Variants in ASXL3 observed in about 807,000 individuals in gnomAD.
ASXL3 encodes ASXL transcriptional regulator 3, also known as putative Polycomb group protein ASXL3.
A neutral mutation model predicts 170.6 loss-of-function variants in ASXL3; 34 were observed. The observed-to-expected ratio is 0.20, with a 90% CI of 0.15 to 0.27. The LOEUF (loss-of-function observed/expected upper bound fraction) is 0.27. Ranked by LOEUF, ASXL3 falls within the 10% of genes least tolerant of loss-of-function variation. The pLI is 1.00. For synonymous variants in ASXL3, 1,002 were observed against 989.1 expected (o/e 1.01, Z -0.24); for missense variants, 2,592 against 2,695.3 (o/e 0.96, Z 0.85).
intron 8 of ASXL3, among the ~76,000 whole-genome samples, chr18:33,686,322 CTG>C (rs1488568708): frequency 6.6e-6 from 1 of 152,202 alleles, no homozygotes; most frequent in African/African-American, 2.4e-5. Context: ...GTGTAATACT[CTG>C]TGCTCACTAC....
chr18:33,673,529 C>G (rs915130238), intron 7 of ASXL3, among the ~76,000 whole-genome samples: 3 of 152,008 alleles, frequency 2.0e-5, no homozygotes, highest in Non-Finnish European at 4.4e-5. Flanking sequence ...CCATGCCCAG[C>G]TAATTTTTGT....
At chr18:33,713,056 T>C (rs572062729) in intron 8 of ASXL3, among the ~76,000 whole-genome samples, 2 of 152,078 alleles carry the variant, frequency 1.3e-5, no homozygotes, top group Non-Finnish European at 2.9e-5. Context: ...CGTGCTCACG[T>C]TCCTTTGTTG....
intron 8 of ASXL3, among the ~76,000 whole-genome samples, chr18:33,693,116 G>T (rs866327807): frequency 6.6e-6 from 1 of 152,094 alleles, no homozygotes; most frequent in South Asian, 2.1e-4. Flanking sequence ...TTGTGGAGGC[G>T]CAATTCAGTC....
At chr18:33,633,389 T>C (rs746524020) in intron 2 of ASXL3, among the ~76,000 whole-genome samples, 3 of 152,194 alleles carry the variant, frequency 2.0e-5, no homozygotes, top group Non-Finnish European at 4.4e-5. Context: ...ACATATATTT[T>C]ATAGACTCTT....
At chr18:33,703,860 A>T (rs1039988322) in intron 8 of ASXL3, among the ~76,000 whole-genome samples, 2 of 152,052 alleles carry the variant, frequency 1.3e-5, no homozygotes, top group Non-Finnish European at 2.9e-5. Flanking sequence ...AATTCCAGAT[A>T]CTCTAACTGG....
chr18:33,629,628 TCTC>T (rs1256264633), intron 2 of ASXL3, among the ~76,000 whole-genome samples: 2 of 152,058 alleles, frequency 1.3e-5, no homozygotes, highest in Admixed American at 1.3e-4. Context: ...ATTTACATAT[TCTC>T]CTTTTTCGTT....
chr18:33,675,494 G>C (rs2066411351), intron 7 of ASXL3, among the ~76,000 whole-genome samples: 1 of 152,190 alleles, frequency 6.6e-6, no homozygotes, highest in Non-Finnish European at 1.5e-5. Flanking sequence ...AACAAATGCT[G>C]TAAGTCTGTT....
At chr18:33,685,604 C>T (rs2066581111) in intron 8 of ASXL3, among the ~76,000 whole-genome samples, 1 of 152,174 alleles carries the variant, frequency 6.6e-6, no homozygotes, top group Admixed American at 6.5e-5. Context: ...AAAGAAATGC[C>T]TGAGGCTGGG....
chr18:33,633,527 A>C (rs1158280802), intron 2 of ASXL3, among the ~76,000 whole-genome samples: 1 of 152,144 alleles, frequency 6.6e-6, no homozygotes, highest in Admixed American at 6.5e-5. Flanking sequence ...ATTTTCCACT[A>C]TTTGTAAGCA....
chr18:33,644,273 T>C (rs1450174703), intron 2 of ASXL3, among the ~76,000 whole-genome samples: 5 of 151,922 alleles, frequency 3.3e-5, no homozygotes, highest in Admixed American at 3.3e-4. Flanking sequence ...CTTTGACATA[T>C]CTAACTGAGA....
Position 33,745,754 on chromosome 18 carries a change from A to T in ASXL3, c.5906A>T (p.Gln1969Leu), listed in dbSNP as rs764951535. ...NAFAFNRHLEQKGLGEVSLSS... is the reference protein window; with the variant it reads ...NAFAFNRHLELKGLGEVSLSS... ...TTTGCCTTCAACAGGCATCTTGAACAGAAGGGATTGGGAGAGGTTAGTCTT... is the reference window on the plus strand; with the variant it reads ...TTTGCCTTCAACAGGCATCTTGAACTGAAGGGATTGGGAGAGGTTAGTCTT... Residue 1969 changes from glutamine (Q) to leucine (L), a missense_variant, in exon 12 of 12, where the codon CAG (glutamine) becomes CTG (leucine). Physicochemically the swap from Gln to Leu is moderately radical, Grantham distance 113 (BLOSUM62 -2). Transcript: ENST00000269197. The T allele has an allele frequency of 1.9e-6, 3 of 1,614,046 alleles. No individual in the cohort carries two copies. The highest frequency in any genetic ancestry group is 2.5e-6 in the Non-Finnish European group (3 of 1,179,892).
rs973734479 is a variant in ASXL3, at chr18:33,693,427, A to G, written c.879+9859A>G. ...GCTTATTTAGAAAAACGAAGAAAAAAGTATTGATTTCTGAGATCATAGGGA... is the reference window on the plus strand; with the variant it reads ...GCTTATTTAGAAAAACGAAGAAAAAGGTATTGATTTCTGAGATCATAGGGA... On this transcript the variant is annotated intron_variant, in intron 8 of 11. Coordinates refer to ENST00000269197, the MANE Select transcript of ASXL3 (RefSeq NM_030632.3). Among the ~76,000 whole-genome samples, 3 of 152,196 alleles carry G rather than the reference A, an allele frequency of 2.0e-5. No individual in the cohort carries two copies. In the East Asian group the frequency reaches 5.8e-4, roughly 29 times the overall value.
chr18:33,738,050 C>G (rs1252917906), intron 10 of ASXL3, among the ~76,000 whole-genome samples: 1 of 152,054 alleles, frequency 6.6e-6, no homozygotes, highest in Non-Finnish European at 1.5e-5. Context: ...TATCTCCTTA[C>G]TTTACAAAAT....
intron 2 of ASXL3, among the ~76,000 whole-genome samples, chr18:33,639,386 G>A (rs1051151667): frequency 1.3e-5 from 2 of 152,000 alleles, no homozygotes; most frequent in African/African-American, 2.4e-5. Flanking sequence ...GTTCGCCACC[G>A]CCCTCCCCAG....
chr18:33,642,826 C>A (rs1361493649), intron 2 of ASXL3, among the ~76,000 whole-genome samples: 2 of 151,786 alleles, frequency 1.3e-5, no homozygotes, highest in Non-Finnish European at 2.9e-5. Context: ...GCTTGCTATA[C>A]CTTAGAAAGG....
At chr18:33,595,425 C>A (rs528274384) in intron 1 of ASXL3, among the ~76,000 whole-genome samples, 6 of 152,062 alleles carry the variant, frequency 3.9e-5, no homozygotes, top group Admixed American at 1.3e-4. Flanking sequence ...TATTATATAT[C>A]CTGTATCTTT....
chr18:33,690,091 C>T (rs1376513720), intron 8 of ASXL3, among the ~76,000 whole-genome samples: 1 of 152,078 alleles, frequency 6.6e-6, no homozygotes, highest in African/African-American at 2.4e-5. Context: ...CTCCTGTCCT[C>T]ATGTGGTCCC....
intron 10 of ASXL3, among the ~76,000 whole-genome samples, chr18:33,734,897 C>T (rs2067518280): frequency 6.6e-6 from 1 of 152,136 alleles, no homozygotes; most frequent in Non-Finnish European, 1.5e-5. Context: ...CAAATGTCAT[C>T]TGTCTTTATT....
intron 2 of ASXL3, chr18:33,614,894 TGTG>T (rs1568279893): frequency 1.3e-5 from 2 of 152,082 alleles, no homozygotes; most frequent in African/African-American, 2.4e-5. Context: ...TGCAAACAGA[TGTG>T]GTGTCATGCA....
Sources: allele counts gnomAD v4.1 joint callset (sites outside exome capture counted in the v4.1 genomes callset), GRCh38; gene constraint gnomAD v4.1.1; transcripts MANE v1.5; gene names NCBI Gene and HGNC (gene_info 2026-07-23, HGNC 2026-07-21).